The following TUSC3 variants were observed in gnomAD, a reference collection of about 807,000 sequenced individuals.
The protein encoded by TUSC3 is dolichyl-diphosphooligosaccharide--protein glycosyltransferase subunit TUSC3.
TUSC3 carries 45 observed loss-of-function variants against 44.8 expected under a neutral mutation model. That is an observed-to-expected ratio of 1.00 (90% CI 0.79 to 1.29). The LOEUF (loss-of-function observed/expected upper bound fraction) is 1.29. Among genes scored for constraint, TUSC3 ranks in the 50% most tolerant of loss-of-function variants. The pLI is 0.00. For missense variants in TUSC3, 519 were observed against 437.9 expected (o/e 1.19, Z -1.65); for synonymous variants, 212 against 152.9 (o/e 1.39, Z -2.85).
intron 6 of TUSC3, among the ~76,000 whole-genome samples, chr8:15,724,918 AT>A (rs1457588290): frequency 6.6e-6 from 1 of 152,154 alleles, no homozygotes; most frequent in Non-Finnish European, 1.5e-5. Context: ...CTCTTGGTTT[AT>A]TTTGCAATCA....
At chr8:15,793,174 C>T in the TUSC3 span, among the ~76,000 whole-genome samples, 4 of 152,086 alleles carry the variant, frequency 2.6e-5, no homozygotes, top group Admixed American at 2.0e-4. Context: ...GACATATGCT[C>T]TCCTGTCTCT....
chr8:15,476,527 G>A (rs376670665), intron 1 of TUSC3, among the ~76,000 whole-genome samples: 26 of 152,162 alleles, frequency 1.7e-4, no homozygotes, highest in African/African-American at 5.5e-4. Flanking sequence ...ATTTACAAAG[G>A]AATTTATTCT....
intron 1 of TUSC3, chr8:15,417,390 G>C (rs1799673626): frequency 6.6e-6 from 1 of 152,200 alleles, no homozygotes; most frequent in Admixed American, 6.5e-5. Context: ...CTGATACAGA[G>C]AATATCTAGG....
chr8:15,747,726 G>A (rs1017001571), intron 8 of TUSC3, among the ~76,000 whole-genome samples: 1 of 151,992 alleles, frequency 6.6e-6, no homozygotes, highest in Non-Finnish European at 1.5e-5. Context: ...CAGCACATTC[G>A]ACTATAACAT....
chr8:15,632,033 C>T (rs1292179600), intron 2 of TUSC3, among the ~76,000 whole-genome samples: 1 of 151,964 alleles, frequency 6.6e-6, no homozygotes, highest in Non-Finnish European at 1.5e-5. Flanking sequence ...AATTAGAACA[C>T]CATTATAACT....
intron 5 of TUSC3, 73 bp downstream of exon 5, chr8:15,662,369 A>G: frequency 6.3e-7 from 1 of 1,588,218 alleles, no homozygotes; most frequent in African/African-American, 1.3e-5. Flanking sequence ...ATATTAACAA[A>G]ATGAGCCAGA....
intron 3 of TUSC3, among the ~76,000 whole-genome samples, chr8:15,658,013 C>T (rs1807251852): frequency 6.6e-6 from 1 of 152,136 alleles, no homozygotes; most frequent in East Asian, 1.9e-4. Flanking sequence ...AGCACTCATC[C>T]CACCCATGAG....
chr8:15,656,564 T>G (rs1263570121), intron 3 of TUSC3, among the ~76,000 whole-genome samples: 1 of 152,144 alleles, frequency 6.6e-6, no homozygotes, highest in Non-Finnish European at 1.5e-5. Flanking sequence ...GGGGCAAAGG[T>G]TGAACCCTCA....
rs568403387 is a variant in TUSC3, at chr8:15,444,782, G to A, written n.91+27477G>A. 2.0e-5 allele frequency among the ~76,000 whole-genome samples: 3 copies of A among 152,110 alleles called. 1 individual carries two copies. In the South Asian group the frequency reaches 6.2e-4, roughly 32 times the overall value. ...ATATGTATAGAAAAAAAAATAAAATGTCTTCTTACCCTCTTAAAATGGTGA... is the reference window on the plus strand; with the variant it reads ...ATATGTATAGAAAAAAAAATAAAATATCTTCTTACCCTCTTAAAATGGTGA... On this transcript the variant is annotated intron_variant and non_coding_transcript_variant, in intron 1 of 5. Transcript: ENST00000503191.
chr8:15,623,857 T>C (rs181509484), intron 2 of TUSC3, among the ~76,000 whole-genome samples: 1 of 152,268 alleles, frequency 6.6e-6, no homozygotes, highest in Admixed American at 6.5e-5. Flanking sequence ...AAAACTATAG[T>C]ACAAATTCAC....
At chr8:15,467,005 C>T (rs145061598) in intron 1 of TUSC3, among the ~76,000 whole-genome samples, 1 of 151,980 alleles carries the variant, frequency 6.6e-6, no homozygotes, top group Non-Finnish European at 1.5e-5. Flanking sequence ...TGTCATTTCA[C>T]TGATATTTGA....
chr8:15,837,580 G>T, the TUSC3 span, among the ~76,000 whole-genome samples: 144,739 of 152,228 alleles, frequency 0.95, 68,847 homozygotes, highest in Non-Finnish European at 0.96. Context: ...AATTTGTCCC[G>T]AAGTTCTGTG....
intron 2 of TUSC3, among the ~76,000 whole-genome samples, chr8:15,504,595 ATATATATATATATATATATATATATAT>A (rs1401415585): frequency 1.8e-4 from 3 of 16,502 alleles, no homozygotes; most frequent in Non-Finnish European, 3.5e-4. Context: ...ATATATATAT[ATATATATATATATATATATATATATAT>A]TTTTTTTTTT....
intron 6 of TUSC3, among the ~76,000 whole-genome samples, chr8:15,719,516 CCACACACACACACA>C (rs56066329): frequency 3.7e-4 from 6 of 16,244 alleles, no homozygotes; most frequent in East Asian, 1.6e-3. Context: ...CACACACACA[CCACACACACACACA>C]CACACACACA....
At chr8:15,687,081 C>CA (rs1207345064) in intron 6 of TUSC3, among the ~76,000 whole-genome samples, 5 of 150,228 alleles carry the variant, frequency 3.3e-5, no homozygotes, top group African/African-American at 7.5e-5. Flanking sequence ...TCAAAAAAAA[C>CA]AAAAAACAAA....
chr8:15,659,726 A>C (rs1015318455), intron 4 of TUSC3, 79 bp downstream of exon 4: 1 of 1,559,436 alleles, frequency 6.4e-7, no homozygotes, highest in Non-Finnish European at 8.7e-7. Context: ...GGCCACAGTA[A>C]TACTTTTTAA....
intron 1 of TUSC3, among the ~76,000 whole-genome samples, chr8:15,470,442 T>C (rs1015285218): frequency 1.3e-5 from 2 of 152,142 alleles, no homozygotes; most frequent in African/African-American, 4.8e-5. Flanking sequence ...ATATAAATTA[T>C]GGGCTTTGGT....
the TUSC3 span, among the ~76,000 whole-genome samples, chr8:15,799,663 T>C: frequency 6.6e-6 from 1 of 152,220 alleles, no homozygotes; most frequent in Middle Eastern, 3.2e-3. Flanking sequence ...TCTCAAATCT[T>C]GTCCATCAGC....
chr8:15,773,494 CAT>C, the TUSC3 span, among the ~76,000 whole-genome samples: 2 of 151,990 alleles, frequency 1.3e-5, no homozygotes, highest in Non-Finnish European at 2.9e-5. Flanking sequence ...CGTTGAAAAA[CAT>C]AATACTGTTA....
Sources: allele counts gnomAD v4.1 joint callset (sites outside exome capture counted in the v4.1 genomes callset), GRCh38; gene constraint gnomAD v4.1.1; transcripts MANE v1.5; gene names NCBI Gene and HGNC (gene_info 2026-07-23, HGNC 2026-07-21).